The following LRRTM4 variants were observed in gnomAD, a reference collection of about 807,000 sequenced individuals.
LRRTM4 encodes the protein leucine-rich repeat transmembrane neuronal protein 4.
In LRRTM4, 25 loss-of-function variants were observed where a neutral mutation model predicts 47.6. That is an observed-to-expected ratio of 0.53 (90% CI 0.38 to 0.73). The LOEUF is 0.73. LRRTM4 is among the 30% of genes least tolerant of loss of function. LRRTM4 has a pLI of 0.00. For synonymous variants in LRRTM4, 311 were observed against 269.5 expected (o/e 1.15, Z -1.51); for missense variants, 638 against 713.4 (o/e 0.89, Z 1.20).
intron 3 of LRRTM4, among the ~76,000 whole-genome samples, chr2:77,515,410 A>C (rs2104114747): frequency 6.6e-6 from 1 of 151,998 alleles, no homozygotes; most frequent in Admixed American, 6.6e-5. Context: ...TTTTAAAAGA[A>C]ACAAGCAAAA....
intron 3 of LRRTM4, among the ~76,000 whole-genome samples, chr2:77,124,013 G>A (rs576631723): frequency 2.2e-4 from 34 of 152,266 alleles, no homozygotes; most frequent in South Asian, 6.2e-4. Context: ...AATGTAGACA[G>A]CGTAAGAAGC....
At chr2:77,016,877 CT>C (rs199920496) in intron 3 of LRRTM4, among the ~76,000 whole-genome samples, 142 of 144,710 alleles carry the variant, frequency 9.8e-4, no homozygotes, top group Middle Eastern at 3.5e-3. Context: ...ACTTTATTGA[CT>C]TTTTTTTTTT....
At chr2:76,810,849 G>A (rs1321612014) in intron 3 of LRRTM4, among the ~76,000 whole-genome samples, 1 of 152,038 alleles carries the variant, frequency 6.6e-6, no homozygotes, top group African/African-American at 2.4e-5. Context: ...AATTTAAGAG[G>A]TTTAGTTCTA....
chr2:77,079,017 A>G (rs1680440468), intron 3 of LRRTM4, among the ~76,000 whole-genome samples: 1 of 152,142 alleles, frequency 6.6e-6, no homozygotes, highest in Admixed American at 6.5e-5. Context: ...CATTCATATA[A>G]GGACTAAGGC....
intron 3 of LRRTM4, among the ~76,000 whole-genome samples, chr2:77,277,484 C>T (rs1676393692): frequency 1.3e-5 from 2 of 151,892 alleles, no homozygotes; most frequent in African/African-American, 4.8e-5. Flanking sequence ...TTCAAATACT[C>T]AAGATATTAA....
intron 3 of LRRTM4, among the ~76,000 whole-genome samples, chr2:77,424,604 G>A (rs2103889758): frequency 6.6e-6 from 1 of 152,294 alleles, no homozygotes; most frequent in Non-Finnish European, 1.5e-5. Flanking sequence ...GCAACTTTCT[G>A]ATGGGTGAAC....
At chr2:77,354,938 A>G (rs1360850747) in intron 3 of LRRTM4, among the ~76,000 whole-genome samples, 1 of 77,174 alleles carries the variant, frequency 1.3e-5, no homozygotes, top group African/African-American at 3.9e-5. Context: ...ATTGGCTTAC[A>G]CTGGTTTTAC....
intron 3 of LRRTM4, among the ~76,000 whole-genome samples, chr2:77,271,500 C>T (rs1676190545): frequency 6.6e-6 from 1 of 152,152 alleles, no homozygotes; most frequent in Non-Finnish European, 1.5e-5. Context: ...TCACGTGCTC[C>T]CTCCCAAAAG....
At chr2:76,774,704 G>A (rs1673883765) in intron 3 of LRRTM4, among the ~76,000 whole-genome samples, 1 of 152,108 alleles carries the variant, frequency 6.6e-6, no homozygotes, top group Non-Finnish European at 1.5e-5. Flanking sequence ...GGAGAGTCAG[G>A]CACATTCCGT....
At chr2:77,438,859 A>G (rs1675717184) in intron 3 of LRRTM4, among the ~76,000 whole-genome samples, 1 of 152,192 alleles carries the variant, frequency 6.6e-6, no homozygotes, top group African/African-American at 2.4e-5. Flanking sequence ...TTTGCCAGAT[A>G]ATACCCACTT....
intron 3 of LRRTM4, among the ~76,000 whole-genome samples, chr2:76,808,625 C>A (rs556198273): frequency 5.9e-5 from 9 of 152,120 alleles, no homozygotes; most frequent in Non-Finnish European, 1.3e-4. Flanking sequence ...TCTTTTAGCA[C>A]ACTTTTATTT....
chr2:77,118,723 G>T (rs768248662), intron 3 of LRRTM4, among the ~76,000 whole-genome samples: 5 of 151,740 alleles, frequency 3.3e-5, no homozygotes, highest in Non-Finnish European at 7.4e-5. Flanking sequence ...TACTTGATTT[G>T]TTATTCATTA....
rs1431830494 is a variant in LRRTM4, at chr2:77,476,019, T to C, written c.1551+42299A>G. Among the ~76,000 whole-genome samples, 3 of 152,130 alleles carry C rather than the reference T, an allele frequency of 2.0e-5. No homozygotes were observed. The South Asian group carries it at 6.2e-4, about 32-fold the overall frequency. On this transcript the variant is annotated intron_variant, in intron 3 of 3. Coordinates refer to ENST00000409884, the MANE Select transcript of LRRTM4 (RefSeq NM_001134745.3). Reference sequence around the variant, plus strand: ...CTTTCCTTATAATTTTAAGGTTTCATACACAAAGAAAAAATTAATTAGTAT... The same window carrying C: ...CTTTCCTTATAATTTTAAGGTTTCACACACAAAGAAAAAATTAATTAGTAT...
At chr2:77,411,602 G>A (rs13027944) in intron 3 of LRRTM4, among the ~76,000 whole-genome samples, 82,634 of 138,440 alleles carry the variant, frequency 0.6, 28,959 homozygotes, top group Non-Finnish European at 0.8. Context: ...ACAGGCCCCC[G>A]CCACCATGCC....
At chr2:76,821,527 G>A (rs1353369636) in intron 3 of LRRTM4, among the ~76,000 whole-genome samples, 3 of 151,584 alleles carry the variant, frequency 2.0e-5, no homozygotes, top group African/African-American at 4.8e-5. Context: ...GCGTAAAAAT[G>A]TACAAAACCA....
intron 3 of LRRTM4, among the ~76,000 whole-genome samples, chr2:77,162,278 C>T (rs900570729): frequency 1.3e-5 from 2 of 152,140 alleles, no homozygotes; most frequent in Non-Finnish European, 2.9e-5. Flanking sequence ...GGGGGTGGGG[C>T]GTCTGCCATT....
At chr2:77,003,549 G>A (rs1170686680) in intron 3 of LRRTM4, among the ~76,000 whole-genome samples, 1 of 152,196 alleles carries the variant, frequency 6.6e-6, no homozygotes, top group African/African-American at 2.4e-5. Context: ...CTGCCGCCAT[G>A]TAAGATGTGA....
At chr2:77,329,673 A>C (rs1670898989) in intron 3 of LRRTM4, among the ~76,000 whole-genome samples, 1 of 152,134 alleles carries the variant, frequency 6.6e-6, no homozygotes, top group Admixed American at 6.5e-5. Context: ...AGGTCAACAC[A>C]TGTCGCACAT....
intron 3 of LRRTM4, among the ~76,000 whole-genome samples, chr2:76,816,628 C>T (rs1388556641): frequency 6.6e-6 from 1 of 151,648 alleles, no homozygotes; most frequent in Non-Finnish European, 1.5e-5. Flanking sequence ...TAATCAGCCA[C>T]TATTACATAT....
Sources: allele counts gnomAD v4.1 joint callset (sites outside exome capture counted in the v4.1 genomes callset), GRCh38; gene constraint gnomAD v4.1.1; transcripts MANE v1.5; gene names NCBI Gene and HGNC (gene_info 2026-07-23, HGNC 2026-07-21).